SEMA5A: variants seen among roughly 807,000 people sequenced by gnomAD.
The protein encoded by SEMA5A is semaphorin-5A.
Under a neutral mutation model 135.5 loss-of-function variants are expected in SEMA5A, and 55 were observed. The ratio of observed to expected loss-of-function variants is 0.41; its 90% confidence interval spans 0.33 to 0.51. The LOEUF (loss-of-function observed/expected upper bound fraction) is 0.51. SEMA5A is among the 20% of genes least tolerant of loss of function. The pLI is 0.37. For synonymous variants in SEMA5A, 580 were observed against 546.5 expected, an observed-to-expected ratio of 1.06 and a Z score of -0.85; for missense variants, 1,290 against 1,419.9, an observed-to-expected ratio of 0.91 and a Z score of 1.47.
intron 3 of SEMA5A, 83 bp from the exon 4 acceptor site, chr5:9,337,895 C>T (rs2150719976): frequency 1.1e-6 from 1 of 900,402 alleles, no homozygotes; most frequent in East Asian, 2.7e-5. Context: ...CATCAGGTAG[C>T]AGACGTTACA....
At chr5:9,418,710 C>T (rs1042875504) in intron 2 of SEMA5A, among the ~76,000 whole-genome samples, 36 of 152,228 alleles carry the variant, frequency 2.4e-4, no homozygotes, top group African/African-American at 7.9e-4. Context: ...ATTTATACCC[C>T]GGAGAGTAAT....
At chr5:9,198,789 A>G (rs538075833) in intron 9 of SEMA5A, among the ~76,000 whole-genome samples, 1 of 152,320 alleles carries the variant, frequency 6.6e-6, no homozygotes, top group African/African-American at 2.4e-5. Flanking sequence ...AGTGGACTTT[A>G]ATAAGGACAA....
chr5:9,035,325 C>A lies in SEMA5A; in HGVS notation c.*7572G>T, dbSNP rs1735588424. The A allele has an allele frequency of 6.6e-6, 1 of 152,118 alleles. No homozygotes were observed. The allele number at this position is 152,118 out of a possible 1,614,324, so 9.4% of individuals were successfully genotyped here. A position where few individuals can be genotyped will look rare whatever the true frequency, so the allele number is the denominator to read the frequency against. On this transcript the variant is annotated 3_prime_UTR_variant, in exon 23 of 23. Transcript: ENST00000382496. ...ATGCACCAAGAGCAGTAAGAGAGCA[C>A]AACATATTCACTTCTGTAATAATAG...
Position 9,221,428 on chromosome 5 carries a change from G to A in SEMA5A, c.646+3246C>T, listed in dbSNP as rs13177234. Among the ~76,000 whole-genome samples the A allele has an allele frequency of 1.6e-3, 227 of 145,290 alleles. 2 individuals carry two copies. Among genetic ancestry groups the A allele is most frequent in the Admixed American group, 2.4e-3 (34 of 14,336 alleles). On this transcript the variant is annotated intron_variant, in intron 8 of 22. Coordinates refer to ENST00000382496, the MANE Select transcript of SEMA5A (RefSeq NM_003966.3). ...CACCATTCTCCTGCCTCAGCCTCCC[G>A]AGTAGCTGGGACTACAGGCGCCCAC...
chr5:9,417,976 T>C (rs1374959958), intron 2 of SEMA5A, among the ~76,000 whole-genome samples: 2 of 104,876 alleles, frequency 1.9e-5, no homozygotes, highest in African/African-American at 4.0e-5. Context: ...CCAGTGTCTC[T>C]TCTTTTTTTT....
intron 5 of SEMA5A, among the ~76,000 whole-genome samples, chr5:9,274,087 G>A (rs908758538): frequency 6.6e-6 from 1 of 152,088 alleles, no homozygotes; most frequent in Non-Finnish European, 1.5e-5. Context: ...GCTGTATTCA[G>A]GAGACCCATC....
At chr5:9,348,983 C>T (rs1561172142) in intron 3 of SEMA5A, among the ~76,000 whole-genome samples, 1 of 152,184 alleles carries the variant, frequency 6.6e-6, no homozygotes, top group Non-Finnish European at 1.5e-5. Context: ...GTCACATTCT[C>T]ACAATTCACA....
At chr5:9,132,075 T>C (rs1741467391) in intron 13 of SEMA5A, among the ~76,000 whole-genome samples, 1 of 152,242 alleles carries the variant, frequency 6.6e-6, no homozygotes. Flanking sequence ...AGTAATGTTT[T>C]CAATTACAAT....
chr5:9,200,308 C>A (rs1745634690), intron 9 of SEMA5A, among the ~76,000 whole-genome samples: 1 of 152,166 alleles, frequency 6.6e-6, no homozygotes, highest in African/African-American at 2.4e-5. Flanking sequence ...TCTAAATTGA[C>A]CATACACCAT....
In SEMA5A at chr5:9,201,835, G is replaced by A. The variant is rs1422498212; in HGVS notation, c.932+120C>T. 5 of 945,598 alleles carry A rather than the reference G, an allele frequency of 5.3e-6. No homozygotes were observed. The Admixed American group carries it at 8.4e-5, about 16-fold the overall frequency. 58.6% of individuals were successfully genotyped at this position (945,598 alleles called of 1,614,324 possible). ...AAAAGTCCTCTTTTTTTGTCTGTTA[G>A]CCCAGTAAATTAAGAAAGATTTTCT... On this transcript the variant is annotated intron_variant, in intron 9 of 22. Transcript: ENST00000382496.
At chr5:9,393,031 G>A (rs1442982042) in intron 2 of SEMA5A, among the ~76,000 whole-genome samples, 2 of 152,166 alleles carry the variant, frequency 1.3e-5, no homozygotes, top group African/African-American at 4.8e-5. Context: ...GCACATATGC[G>A]ATGCTATAAA....
chr5:9,369,963 T>C (rs1755069549), intron 3 of SEMA5A, among the ~76,000 whole-genome samples: 1 of 152,228 alleles, frequency 6.6e-6, no homozygotes, highest in African/African-American at 2.4e-5. Context: ...GTCTATATCT[T>C]ATTATTGTCT....
intron 7 of SEMA5A, among the ~76,000 whole-genome samples, chr5:9,225,584 A>G (rs1747261564): frequency 6.6e-6 from 1 of 151,480 alleles, no homozygotes. Context: ...AAAAAAAAAA[A>G]AATTATGTAT....
At position 9,113,690 on chromosome 5, in the gene SEMA5A, C is replaced by T. The variant is rs370566185; in HGVS notation, c.1925+5308G>A. On this transcript the variant is annotated intron_variant, in intron 15 of 22. Coordinates refer to ENST00000382496, the MANE Select transcript of SEMA5A (RefSeq NM_003966.3). ...AAGATACACTAATGTCCACTAAGCA[C>T]ATGAGAAGATGCTCAACAATATTAG... 3.3e-5 allele frequency among the ~76,000 whole-genome samples: 5 copies of T among 152,332 alleles called. No homozygotes were observed. In the East Asian group the frequency reaches 9.6e-4, roughly 29 times the overall value.
At chr5:9,216,492 A>T (rs1746637031) in intron 8 of SEMA5A, among the ~76,000 whole-genome samples, 2 of 152,168 alleles carry the variant, frequency 1.3e-5, no homozygotes, top group Admixed American at 1.3e-4. Flanking sequence ...CTGTAAATGT[A>T]TATCAGATTC....
chr5:9,091,495 C>A (rs935938074), intron 16 of SEMA5A, among the ~76,000 whole-genome samples: 2 of 152,166 alleles, frequency 1.3e-5, no homozygotes, highest in African/African-American at 4.8e-5. Context: ...CAAATCTCTT[C>A]AGGAAGGCAC....
intron 11 of SEMA5A, among the ~76,000 whole-genome samples, chr5:9,177,662 G>A (rs3777280): frequency 0.098 from 14,987 of 152,194 alleles, 1,220 homozygotes; most frequent in African/African-American, 0.2. Flanking sequence ...CCCAAACTGG[G>A]GCATCCCAGG....
chr5:9,271,892 C>T (rs1184906017), intron 5 of SEMA5A, among the ~76,000 whole-genome samples: 1 of 152,190 alleles, frequency 6.6e-6, no homozygotes, highest in Non-Finnish European at 1.5e-5. Flanking sequence ...CCCTCCAGTG[C>T]CCACACTACC....
intron 8 of SEMA5A, among the ~76,000 whole-genome samples, chr5:9,219,390 A>C (rs147237704): frequency 2.9e-3 from 443 of 152,254 alleles, no homozygotes; most frequent in African/African-American, 0.01. Context: ...GAGGTGAAAC[A>C]TGGAGCCTGC....
Sources: gnomAD v4.1 joint callset for allele counts (sites outside exome capture counted in the v4.1 genomes callset) on GRCh38, gnomAD v4.1.1 for gene constraint, MANE v1.5 for transcripts, NCBI Gene and HGNC (gene_info 2026-07-23, HGNC 2026-07-21) for gene names.